Variants in E2F8 observed in about 807,000 individuals in gnomAD.
E2F8 encodes the protein E2F transcription factor 8.
E2F8 carries 35 observed loss-of-function variants against 80.8 expected under a neutral mutation model. That is an observed-to-expected ratio of 0.43 (90% CI 0.33 to 0.57). E2F8 has a LOEUF of 0.57. E2F8 is among the 20% of genes least tolerant of loss of function. E2F8 has a pLI of 0.04. For missense variants in E2F8, 975 were observed against 1,056.2 expected, an observed-to-expected ratio of 0.92 and a Z score of 1.07; for synonymous variants, 386 against 395.0, an observed-to-expected ratio of 0.98 and a Z score of 0.27.
chr11:19,231,595 G>A (rs1292941379), intron 7 of E2F8, among the ~76,000 whole-genome samples: 2 of 152,224 alleles, frequency 1.3e-5, no homozygotes, highest in Non-Finnish European at 2.9e-5. Flanking sequence ...CAGCATCGCA[G>A]AGTTAAGATG....
chr11:19,233,196 C>G (rs1489612166), intron 6 of E2F8, among the ~76,000 whole-genome samples: 5 of 152,324 alleles, frequency 3.3e-5, no homozygotes, highest in Non-Finnish European at 7.3e-5. Flanking sequence ...GTGCTCCTCC[C>G]CATCCGCTGA....
At chr11:19,233,618 A>T (rs1440792765) in intron 6 of E2F8, among the ~76,000 whole-genome samples, 1 of 151,676 alleles carries the variant, frequency 6.6e-6, no homozygotes, top group Non-Finnish European at 1.5e-5. Context: ...CTCCTGAGTA[A>T]CTGGGACTAC....
intron 10 of E2F8, among the ~76,000 whole-genome samples, chr11:19,226,443 C>T (rs1851239064): frequency 6.6e-6 from 1 of 152,206 alleles, no homozygotes; most frequent in African/African-American, 2.4e-5. Context: ...GGTAGCATTT[C>T]CCAAACTATT....
In E2F8 at chr11:19,225,377, C is replaced by G. The variant is rs750195203; in HGVS notation, c.2265G>C (p.Gly755=). 2 of 1,614,154 alleles carry G rather than the reference C, an allele frequency of 1.2e-6. No homozygotes were observed. Among genetic ancestry groups the G allele is most frequent in the South Asian group, 2.2e-5 (2 of 91,074 alleles). ...SPNVQLSASP[G]SGIVPVSPRI... is the part of the protein sequence containing the mutation. ...TTGGAGACACAGGAACGATTCCAGA[C>G]CCAGGGCTGGCAGACAACTGCACAT... Residue 755 remains glycine (G), a synonymous_variant, in exon 12 of 13, where the codon GGG becomes GGC. Transcript: ENST00000250024.
Position 19,224,356 on chromosome 11 carries a change from T to C in E2F8, c.*302A>G, listed in dbSNP as rs1183692009. ...AATACAGTTACTTTGCATAATAGTA[T>C]AGGCATAGCTAAAATAATGGATTTT... On this transcript the variant is annotated 3_prime_UTR_variant, in exon 13 of 13. Coordinates refer to ENST00000250024, the MANE Select transcript of E2F8 (RefSeq NM_024680.4). 8.4e-6 allele frequency: 2 copies of C among 239,512 alleles called. No individual in the cohort carries two copies. Among genetic ancestry groups the C allele is most frequent in the African/African-American group, 4.5e-5 (2 of 44,444 alleles). The allele number at this position is 239,512 out of a possible 1,614,324, so 14.8% of individuals were successfully genotyped here.
In E2F8 at chr11:19,224,394, T is replaced by C. The variant is rs762264167; in HGVS notation, c.*264A>G. On this transcript the variant is annotated 3_prime_UTR_variant, in exon 13 of 13. Coordinates refer to ENST00000250024, the MANE Select transcript of E2F8 (RefSeq NM_024680.4). The stretch of plus-strand genomic sequence containing the variant: ...AATAATGGATTTTTCCCCCTAGAAG[T>C]TAATATATCTTAGAGTTCAACATTT... 6.6e-5 allele frequency: 20 copies of C among 301,300 alleles called. No individual in the cohort carries two copies. The highest frequency in any genetic ancestry group is 4.2e-4 in the Admixed American group (9 of 21,436). 18.7% of individuals were successfully genotyped at this position (301,300 alleles called of 1,614,324 possible).
intron 2 of E2F8, among the ~76,000 whole-genome samples, chr11:19,238,899 C>T (rs2133582207): frequency 6.6e-6 from 1 of 152,292 alleles, no homozygotes; most frequent in East Asian, 1.9e-4. Context: ...ATCAACCTAA[C>T]AGCTACCTAA....
At position 19,229,720 on chromosome 11, in the gene E2F8, T is replaced by C. The variant is rs538244731; in HGVS notation, c.1627A>G (p.Thr543Ala). ...TTAGAAGAGTGGGTGGTGCACACCG[T>C]TGGGCTCAGGCCTTGGGGTGGCGTC... is the stretch of plus-strand genomic sequence containing the variant. ...SVTPPQGLSP[T>A]VCTTHSSKAT... The change falls in exon 10 of 13, where the codon ACG becomes GCG. Residue 543 changes from threonine to alanine, a missense_variant. By Grantham distance (58) the Thr-to-Ala change is moderately conservative. Transcript: ENST00000250024. The surrounding 1 kb of genome is among the most constrained non-coding windows in gnomAD (Gnocchi z 4.3). 6.2e-7 allele frequency: 1 copy of C among 1,614,168 alleles called. No homozygotes were observed. The highest frequency in any genetic ancestry group is 1.3e-5 in the African/African-American group (1 of 75,032).
At chr11:19,227,238 A>T (rs1056678243) in intron 10 of E2F8, among the ~76,000 whole-genome samples, 2 of 152,218 alleles carry the variant, frequency 1.3e-5, no homozygotes, top group Admixed American at 1.3e-4. Flanking sequence ...AAAGTATACT[A>T]CAAGCTTTTA....
Position 19,238,013 on chromosome 11 carries a change from A to T in E2F8, c.135T>A (p.Pro45=). 6.2e-7 allele frequency: 1 copy of T among 1,614,142 alleles called. No homozygotes were observed. The highest frequency in any genetic ancestry group is 8.5e-7 in the Non-Finnish European group (1 of 1,180,016). The change falls in exon 3 of 13, where the codon CCT becomes CCA. Residue 45 remains proline (P), a synonymous_variant. Coordinates refer to ENST00000250024, the MANE Select transcript of E2F8 (RefSeq NM_024680.4). ...IQPDFGPLTT[P]TKPKEGSQGE... is the part of the protein sequence containing the mutation. ...CCTGAGAGCCTTCCTTGGGCTTGGT[A>T]GGTGTGGTTAAAGGGCCAAAGTCAG... is the stretch of plus-strand genomic sequence containing the variant.
At chr11:19,232,189 C>A in intron 7 of E2F8, 45 bp downstream of exon 7, 1 of 1,600,232 alleles carries the variant, frequency 6.2e-7, no homozygotes, top group South Asian at 1.1e-5. Flanking sequence ...TAGAAAAACA[C>A]ACACACAAAT....
chr11:19,232,749 T>C (rs1320434455), intron 6 of E2F8, among the ~76,000 whole-genome samples: 2 of 152,198 alleles, frequency 1.3e-5, no homozygotes, highest in East Asian at 1.9e-4. Flanking sequence ...TAAAAGTATC[T>C]GTGATAAATG....
upstream of E2F8, chr11:19,241,444 G>T: frequency 6.5e-6 from 1 of 153,098 alleles, no homozygotes; most frequent in South Asian, 1.8e-4. This position sits in a 1 kb window ranked among gnomAD's most constrained non-coding sequence, Gnocchi z 4.5. Context: ...GGCGGGGGCT[G>T]AGCCGGGACT....
Position 19,234,471 on chromosome 11 carries a change from A to G in E2F8, c.817T>C (p.Phe273Leu). Residue 273 changes from phenylalanine to leucine, a missense_variant, in exon 6 of 13, where the codon TTT becomes CTT. Phe to Leu is a conservative substitution (Grantham distance 22). Coordinates refer to ENST00000250024, the MANE Select transcript of E2F8 (RefSeq NM_024680.4). ...DKSLRVMSQKFVMLFLVSTPQ... is the reference protein window; with the variant it reads ...DKSLRVMSQKLVMLFLVSTPQ... The stretch of plus-strand genomic sequence containing the variant: ...GTTGACACCAAAAACAGCATCACAA[A>G]TTTCTGGCTCATTACCCTTAAAGAC... The G allele has an allele frequency of 6.2e-7, 1 of 1,614,188 alleles. No homozygotes were observed. Among genetic ancestry groups the G allele is most frequent in the Non-Finnish European group, 8.5e-7 (1 of 1,180,040 alleles).
chr11:19,237,607 G>T (rs1851552217), intron 3 of E2F8, 137 bp from the exon 4 acceptor site: 6 of 1,080,652 alleles, frequency 5.6e-6, no homozygotes, highest in South Asian at 1.7e-5. Context: ...TGGGAGAAAA[G>T]GTTAGGGGGG....
At position 19,229,742 on chromosome 11, in the gene E2F8, C is replaced by G. The variant is rs12273001; in HGVS notation, c.1605G>C (p.Thr535=). 0.058 allele frequency: 93,215 copies of G among 1,614,024 alleles called. 4,148 individuals are homozygous for G. Among genetic ancestry groups the G allele is most frequent in the African/African-American group, 0.23 (17,278 of 74,958 alleles). Residue 535 remains threonine (T), a synonymous_variant, in exon 10 of 13, where the codon ACG becomes ACC. Transcript: ENST00000250024. This position sits in a 1 kb window ranked among gnomAD's most constrained non-coding sequence, Gnocchi z 4.3. ...LQPTQAHQSV[T]PPQGLSPTVC... is the part of the protein sequence containing the mutation. ...CCGTTGGGCTCAGGCCTTGGGGTGG[C>G]GTCACACTTTGGTGGGCTTGAGTGG...
intron 8 of E2F8, 73 bp from the exon 9 acceptor site, chr11:19,230,401 G>GA (rs754319955): frequency 6.9e-7 from 1 of 1,449,172 alleles, no homozygotes; most frequent in Non-Finnish European, 9.5e-7. Flanking sequence ...AAACCTCACT[G>GA]AAGTCAGAGG....
chr11:19,225,401 A>G lies in E2F8; in HGVS notation c.2241T>C (p.Asn747=), dbSNP rs752230889. The G allele has an allele frequency of 4.3e-6, 7 of 1,614,194 alleles. No homozygotes were observed. In the African/African-American group the frequency reaches 5.3e-5, roughly 12 times the overall value. The change falls in exon 12 of 13, where the codon AAT becomes AAC. Residue 747 remains asparagine, a synonymous_variant. Transcript: ENST00000250024. ...TLQHLGLISP[N]VQLSASPGSG... ...ACCCAGGGCTGGCAGACAACTGCAC[A>G]TTGGGTGAGATGAGTCCCAGGTGCT...
chr11:19,234,311 T>C, intron 6 of E2F8, 49 bp downstream of exon 6: 2 of 1,595,468 alleles, frequency 1.3e-6, no homozygotes, highest in Non-Finnish European at 1.7e-6. Context: ...GACTGAGATT[T>C]TATTGTTTAA....
Sources: allele counts gnomAD v4.1 joint callset (sites outside exome capture counted in the v4.1 genomes callset), GRCh38; gene constraint gnomAD v4.1.1; non-coding constraint Gnocchi (gnomAD v3.1); transcripts MANE v1.5; gene names NCBI Gene and HGNC (gene_info 2026-07-23, HGNC 2026-07-21).